Variants in GNB5 observed in about 807,000 individuals in gnomAD.
The protein encoded by GNB5 is guanine nucleotide-binding protein subunit beta-5.
Under a neutral mutation model 55.3 loss-of-function variants are expected in GNB5, and 37 were observed. That is an observed-to-expected ratio of 0.67 (90% CI 0.51 to 0.88). The LOEUF (loss-of-function observed/expected upper bound fraction) is 0.88. Among genes scored for constraint, GNB5 ranks in the 40% least tolerant of loss-of-function variants. The pLI is 0.00. For synonymous variants in GNB5, 219 were observed against 198.5 expected, an observed-to-expected ratio of 1.10 and a Z score of -0.87; for missense variants, 476 against 515.3, an observed-to-expected ratio of 0.92 and a Z score of 0.74.
In GNB5 at chr15:52,125,431, G is replaced by A. The variant is rs146900530; in HGVS notation, c.1009+517C>T. On this transcript the variant is annotated intron_variant, in intron 11 of 12. Transcript: ENST00000261837. ...TGAGTAGCTGGGATTACAGGCATGC[G>A]CCACCATGCCCAACCAATTTTTGTA... The A allele has an allele frequency of 2.3e-3, 357 of 153,080 alleles. 3 individuals carry two copies. Among genetic ancestry groups the A allele is most frequent in the Non-Finnish European group, 3.6e-3 (249 of 68,598 alleles). The allele number at this position is 153,080 out of a possible 1,614,324, so 9.5% of individuals were successfully genotyped here.
intron 9 of GNB5, among the ~76,000 whole-genome samples, chr15:52,129,305 C>T (rs185483892): frequency 2.8e-3 from 425 of 152,198 alleles, no homozygotes; most frequent in African/African-American, 9.7e-3. Context: ...CCACAAAAGC[C>T]GCAGGAGGAG....
rs1016957107 is a variant in GNB5, at chr15:52,115,680, C to G, written c.*7077G>C. The G allele has an allele frequency of 6.6e-6, 1 of 152,132 alleles. No homozygotes were observed. The highest frequency in any genetic ancestry group is 2.4e-5 in the African/African-American group (1 of 41,424). 9.4% of individuals were successfully genotyped at this position (152,132 alleles called of 1,614,324 possible). A position where few individuals can be genotyped will look rare whatever the true frequency, so the allele number is the denominator to read the frequency against. On this transcript the variant is annotated 3_prime_UTR_variant, in exon 13 of 13. Coordinates refer to ENST00000261837, the MANE Select transcript of GNB5 (RefSeq NM_016194.4). Reference sequence around the variant, plus strand: ...AGCTAGTGACTGCTTATTATTTTTTCCACGTTTTAAGTAACAGCTTTATTG... The same window carrying G: ...AGCTAGTGACTGCTTATTATTTTTTGCACGTTTTAAGTAACAGCTTTATTG...
At chr15:52,158,535 T>G (rs1263501261) in intron 3 of GNB5, among the ~76,000 whole-genome samples, 1 of 152,106 alleles carries the variant, frequency 6.6e-6, no homozygotes, top group African/African-American at 2.4e-5. Context: ...CCATCATCCC[T>G]ACTTCAGCTG....
At chr15:52,142,827 A>G (rs964149871) in intron 6 of GNB5, among the ~76,000 whole-genome samples, 5 of 152,090 alleles carry the variant, frequency 3.3e-5, no homozygotes, top group Admixed American at 2.6e-4. Context: ...GTAGTTTCTT[A>G]TCAGTAATTA....
chr15:52,184,487 G>A (rs1250329070), intron 2 of GNB5, 64 bp downstream of exon 2: 46 of 1,438,814 alleles, frequency 3.2e-5, no homozygotes, highest in Non-Finnish European at 4.5e-5. Flanking sequence ...CATCTCATCT[G>A]TCACAGGACC....
intron 7 of GNB5, chr15:52,137,065 C>T (rs567516745): frequency 5.2e-5 from 25 of 482,824 alleles, no homozygotes; most frequent in Admixed American, 2.8e-4. Context: ...CTTGCAAGAC[C>T]CACCTTAAAA....
At chr15:52,189,202 C>T (rs1027650657) in intron 1 of GNB5, among the ~76,000 whole-genome samples, 6 of 152,186 alleles carry the variant, frequency 3.9e-5, no homozygotes, top group African/African-American at 1.2e-4. Flanking sequence ...AATGGTGCAG[C>T]TGTGGAAAAC....
chr15:52,127,674 ATT>A (rs903076481), intron 10 of GNB5, among the ~76,000 whole-genome samples: 2 of 152,196 alleles, frequency 1.3e-5, no homozygotes, highest in Non-Finnish European at 2.9e-5. Context: ...ACAAGAAAAT[ATT>A]TTTTTCTCTT....
chr15:52,132,866 T>A (rs1398427095), intron 9 of GNB5, among the ~76,000 whole-genome samples: 1 of 152,088 alleles, frequency 6.6e-6, no homozygotes, highest in African/African-American at 2.4e-5. Context: ...TTCCCCCAGC[T>A]CTTTGCTTGC....
chr15:52,161,485 G>C (rs2034331244), intron 3 of GNB5, among the ~76,000 whole-genome samples: 1 of 152,104 alleles, frequency 6.6e-6, no homozygotes, highest in Non-Finnish European at 1.5e-5. Flanking sequence ...TTTTTTAGTA[G>C]AGATGGGGTT....
intron 6 of GNB5, chr15:52,143,976 T>G (rs2033915569): frequency 6.6e-6 from 1 of 152,258 alleles, no homozygotes; most frequent in Non-Finnish European, 1.5e-5. Flanking sequence ...GAACTTCCTC[T>G]GTTTGGCCCT....
intron 1 of GNB5, among the ~76,000 whole-genome samples, chr15:52,185,753 T>TTATTATTATTATTA (rs1555409558): frequency 9.5e-5 from 13 of 136,712 alleles, no homozygotes; most frequent in Admixed American, 8.2e-4. Flanking sequence ...TATTCATCTT[T>TTATTATTATTATTA]TTATTATTAT....
chr15:52,151,307 C>A (rs530584410), intron 4 of GNB5, among the ~76,000 whole-genome samples: 1 of 152,292 alleles, frequency 6.6e-6, no homozygotes, highest in South Asian at 2.1e-4. Flanking sequence ...TTAGGGGCTT[C>A]TTCCACCTCA....
chr15:52,135,985 G>A, intron 7 of GNB5: 1 of 387,832 alleles, frequency 2.6e-6, no homozygotes, highest in Non-Finnish European at 4.5e-6. Flanking sequence ...CAGTCCTTGA[G>A]TTGTGTTTAT....
At chr15:52,163,307 G>A (rs566384991) in intron 3 of GNB5, among the ~76,000 whole-genome samples, 10 of 152,198 alleles carry the variant, frequency 6.6e-5, no homozygotes, top group Non-Finnish European at 1.3e-4. Flanking sequence ...TCCGGCCCAA[G>A]AAAGTCCTGT....
chr15:52,135,028 T>C (rs2033668747), intron 8 of GNB5, among the ~76,000 whole-genome samples: 1 of 151,928 alleles, frequency 6.6e-6, no homozygotes, highest in Non-Finnish European at 1.5e-5. Flanking sequence ...GCACCCTGAC[T>C]CCTAGTCTAG....
At chr15:52,126,104 C>T (rs1036882024) in intron 10 of GNB5, 60 bp from the exon 11 acceptor site, 2 of 804,522 alleles carry the variant, frequency 2.5e-6, no homozygotes, top group Non-Finnish European at 4.3e-6. Flanking sequence ...GACGTGATGA[C>T]CACAGAGCTA....
rs544606086 is a variant in GNB5 at position 52,179,765 on chromosome 15, C to G, written c.238+3G>C. The G allele has an allele frequency of 6.7e-7, 1 of 1,486,716 alleles. No individual in the cohort carries two copies. The highest frequency in any genetic ancestry group is 3.0e-5 in the East Asian group (1 of 33,896). The allele number at this position is 1,486,716 out of a possible 1,614,324, so 92.1% of individuals were successfully genotyped here. On this transcript the variant is annotated splice_donor_region_variant and intron_variant, in intron 3 of 12. Coordinates refer to ENST00000261837, the MANE Select transcript of GNB5 (RefSeq NM_016194.4). The stretch of plus-strand genomic sequence containing the variant: ...CCCCGCCCGCCTCCCGGCCCGCACT[C>G]ACGCTCCACATCGTGCAGCTTGGCT...
At position 52,136,172 on chromosome 15, in the gene GNB5, A is replaced by ACACACACACACACACACACC. The variant is rs1168734914; in HGVS notation, c.628-417_628-416insGGTGTGTGTGTGTGTGTGTG. Reference sequence around the variant, plus strand: ...CACACACACACACACACACACACACACCCTACCTGCTGTATCTGGGTTCAT... The same window carrying ACACACACACACACACACACC: ...CACACACACACACACACACACACACACACACACACACACACACACCCCCTACCTGCTGTATCTGGGTTCAT... On this transcript the variant is annotated intron_variant, in intron 7 of 12. Coordinates refer to ENST00000261837, the MANE Select transcript of GNB5 (RefSeq NM_016194.4). Among the ~76,000 whole-genome samples, 40 of 100,116 alleles carry ACACACACACACACACACACC rather than the reference A, an allele frequency of 4.0e-4. 5 individuals are homozygous for ACACACACACACACACACACC. Among genetic ancestry groups the ACACACACACACACACACACC allele is most frequent in the African/African-American group, 1.7e-3 (38 of 22,786 alleles). 65.7% of individuals were successfully genotyped at this position (100,116 alleles called of 152,430 possible). A position where few individuals can be genotyped will look rare whatever the true frequency, so the allele number is the denominator to read the frequency against.
Sources: allele counts gnomAD v4.1 joint callset (sites outside exome capture counted in the v4.1 genomes callset), GRCh38; gene constraint gnomAD v4.1.1; transcripts MANE v1.5; gene names NCBI Gene and HGNC (gene_info 2026-07-23, HGNC 2026-07-21).